Variants in SMIM41 observed in about 807,000 individuals in gnomAD.
SMIM41 encodes small integral membrane protein 41.
chr12:52,106,692 T>C (rs1247354719), intron 2 of SMIM41, among the ~76,000 whole-genome samples: 1 of 152,206 alleles, frequency 6.6e-6, no homozygotes, highest in Non-Finnish European at 1.5e-5. Context: ...ACAGGAGTTA[T>C]AGCTTACATG....
At chr12:52,092,697 G>C (rs532917269) in intron 2 of SMIM41, 1 of 152,200 alleles carries the variant, frequency 6.6e-6, no homozygotes, top group South Asian at 2.1e-4. Context: ...TGGAAGAGTA[G>C]AACAATTTTA....
At chr12:52,107,137 G>A in intron 2 of SMIM41, 1 of 342,964 alleles carries the variant, frequency 2.9e-6, no homozygotes, top group East Asian at 7.4e-5. Flanking sequence ...GAATAACACA[G>A]AATCAATGAT....
intron 1 of SMIM41, among the ~76,000 whole-genome samples, chr12:52,080,972 TG>T (rs1939810681): frequency 6.6e-6 from 1 of 151,646 alleles, no homozygotes; most frequent in Non-Finnish European, 1.5e-5. Context: ...TCCCCGCAGC[TG>T]GGGGGCCTCG....
chr12:52,091,603 T>C (rs192344332), intron 2 of SMIM41, among the ~76,000 whole-genome samples: 14 of 152,368 alleles, frequency 9.2e-5, no homozygotes, highest in Non-Finnish European at 2.9e-5. Flanking sequence ...TTCTGCTGTT[T>C]TGCACTGCAC....
chr12:52,092,814 G>C (rs1302532152), intron 2 of SMIM41: 1 of 152,156 alleles, frequency 6.6e-6, no homozygotes, highest in East Asian at 1.9e-4. Flanking sequence ...GTAATGCCAT[G>C]TTACTAAATT....
intron 2 of SMIM41, among the ~76,000 whole-genome samples, chr12:52,099,045 G>A (rs1382105494): frequency 2.6e-5 from 4 of 151,886 alleles, no homozygotes; most frequent in Admixed American, 2.0e-4. Flanking sequence ...AGTATCACAG[G>A]CTGTGTACAC....
At position 52,097,190 on chromosome 12, in the gene SMIM41, T is replaced by A. The variant is rs150915914; in HGVS notation, c.*196-10189T>A. On this transcript the variant is annotated intron_variant, in intron 2 of 2. Transcript: ENST00000546390. ...TCCTAATATTCAGGGGGGAAGAGTA[T>A]GATATTGCTCCCAATATCCCAGGGG... 2.5e-3 allele frequency among the ~76,000 whole-genome samples: 384 copies of A among 152,162 alleles called. 1 individual carries two copies. Among genetic ancestry groups the A allele is most frequent in the African/African-American group, 9.0e-3 (373 of 41,514 alleles).
At chr12:52,087,392 C>A (rs530438742) in intron 2 of SMIM41, among the ~76,000 whole-genome samples, 2 of 152,210 alleles carry the variant, frequency 1.3e-5, no homozygotes, top group Non-Finnish European at 2.9e-5. Flanking sequence ...AAGTTACCCA[C>A]GCTTGCCGTC....
chr12:52,091,880 G>C (rs1365873442), intron 2 of SMIM41: 1 of 152,238 alleles, frequency 6.6e-6, no homozygotes, highest in Non-Finnish European at 1.5e-5. Context: ...AGGGCAGTTG[G>C]TAGACTTACA....
At chr12:52,106,093 T>C (rs1940334033) in intron 2 of SMIM41, among the ~76,000 whole-genome samples, 1 of 152,230 alleles carries the variant, frequency 6.6e-6, no homozygotes, top group South Asian at 2.1e-4. Flanking sequence ...AATGGAAATA[T>C]CCCCTGACCT....
At chr12:52,098,741 G>GC (rs902282034) in intron 2 of SMIM41, among the ~76,000 whole-genome samples, 3 of 151,290 alleles carry the variant, frequency 2.0e-5, no homozygotes, top group African/African-American at 7.3e-5. Flanking sequence ...TCACGGGGGG[G>GC]GGGGTGTACT....
chr12:52,082,387 A>C (rs1262537797), intron 1 of SMIM41, among the ~76,000 whole-genome samples: 1 of 151,584 alleles, frequency 6.6e-6, no homozygotes, highest in Non-Finnish European at 1.5e-5. Flanking sequence ...TCTTCATCCA[A>C]CTTCCTCCCG....
intron 2 of SMIM41, among the ~76,000 whole-genome samples, chr12:52,099,948 C>T (rs1940182474): frequency 6.6e-6 from 1 of 151,662 alleles, no homozygotes; most frequent in African/African-American, 2.4e-5. Context: ...CAGGAAATTA[C>T]TAACAAGGTC....
At chr12:52,100,045 G>C (rs955134083) in intron 2 of SMIM41, among the ~76,000 whole-genome samples, 1 of 152,030 alleles carries the variant, frequency 6.6e-6, no homozygotes, top group Non-Finnish European at 1.5e-5. Context: ...AACAGAGGGG[G>C]TGTACACACC....
Position 52,098,878 on chromosome 12 carries a change from C to A in SMIM41, c.*196-8501C>A, listed in dbSNP as rs143080439. On this transcript the variant is annotated intron_variant, in intron 2 of 2. Transcript: ENST00000546390. The stretch of plus-strand genomic sequence containing the variant: ...CTTAGCCTCTCCCTCCCAGGGTATT[C>A]AGAACAATATTACAGGAGGGGTGTA... Among the ~76,000 whole-genome samples, 365 of 151,864 alleles carry A rather than the reference C, an allele frequency of 2.4e-3. 2 individuals are homozygous for A. The highest frequency in any genetic ancestry group is 8.1e-3 in the African/African-American group (335 of 41,370).
At chr12:52,080,268 C>T (rs989678903) in intron 1 of SMIM41, 87 bp downstream of exon 1, 4 of 194,442 alleles carry the variant, frequency 2.1e-5, no homozygotes, top group Non-Finnish European at 4.2e-5. Context: ...TGGGGCGCGG[C>T]AAGGCACCTG....
At chr12:52,095,105 C>T (rs943036175) in intron 2 of SMIM41, among the ~76,000 whole-genome samples, 12 of 148,594 alleles carry the variant, frequency 8.1e-5, no homozygotes, top group Non-Finnish European at 1.6e-4. Flanking sequence ...GCCATCACAC[C>T]CACTTAATTA....
intron 1 of SMIM41, among the ~76,000 whole-genome samples, chr12:52,082,859 T>G (rs1007702722): frequency 1.6e-4 from 24 of 152,178 alleles, no homozygotes; most frequent in African/African-American, 4.8e-4. Flanking sequence ...TCTCTACAGA[T>G]TCCTGAGCCC....
At chr12:52,087,519 G>A (rs182741099) in intron 2 of SMIM41, 2 of 152,668 alleles carry the variant, frequency 1.3e-5, no homozygotes, top group East Asian at 1.9e-4. Flanking sequence ...TTGCTCCAGC[G>A]GCTGCTCTCC....
Sources: gnomAD v4.1 joint callset for allele counts (sites outside exome capture counted in the v4.1 genomes callset) on GRCh38, gnomAD v4.1.1 for gene constraint, MANE v1.5 for transcripts, NCBI Gene and HGNC (gene_info 2026-07-23, HGNC 2026-07-21) for gene names.